Variants in B3GAT1 observed in about 807,000 individuals in gnomAD.
The protein encoded by B3GAT1 is galactosylgalactosylxylosylprotein 3-beta-glucuronosyltransferase 1.
Under a neutral mutation model 28.4 loss-of-function variants are expected in B3GAT1, and 11 were observed. The observed-to-expected ratio is 0.39, with a 90% confidence interval of 0.24 to 0.64. The LOEUF (loss-of-function observed/expected upper bound fraction) is 0.64, where lower values mean the gene tolerates loss of function less well. Ranked by LOEUF, B3GAT1 falls within the 30% of genes least tolerant of loss-of-function variation. The probability of loss-of-function intolerance (pLI) is 0.50; values close to 1 mark genes in which losing one functional copy is unlikely to be tolerated. For missense variants in B3GAT1, 375 were observed against 491.0 expected, an observed-to-expected ratio of 0.76 and a Z score of 2.23; for synonymous variants, 255 against 223.1, an observed-to-expected ratio of 1.14 and a Z score of -1.27.
At chr11:134,401,108 T>C (rs987745492) in intron 1 of B3GAT1, among the ~76,000 whole-genome samples, 5 of 152,212 alleles carry the variant, frequency 3.3e-5, no homozygotes, top group African/African-American at 4.8e-5. Flanking sequence ...CTGGCCAGGC[T>C]GTGGAGAAAA....
chr11:134,409,204 G>T (rs910971882), intron 1 of B3GAT1, among the ~76,000 whole-genome samples: 3 of 152,200 alleles, frequency 2.0e-5, no homozygotes, highest in African/African-American at 7.2e-5. Flanking sequence ...AGCCACAGAT[G>T]GAGATGAGAC....
At chr11:134,387,964 T>G in intron 1 of B3GAT1, 24 bp from the exon 2 acceptor site, 1 of 1,040,612 alleles carries the variant, frequency 9.6e-7, no homozygotes, top group Non-Finnish European at 1.4e-6. Flanking sequence ...CAGAAGCGGA[T>G]AGCCAGAGAC....
chr11:134,401,404 G>C (rs1944610423), intron 1 of B3GAT1, among the ~76,000 whole-genome samples: 9 of 152,246 alleles, frequency 5.9e-5, no homozygotes, highest in Admixed American at 5.9e-4. Flanking sequence ...TAGCCATAAA[G>C]AAGAATTAAA....
chr11:134,399,862 T>G (rs1241214751), intron 1 of B3GAT1, among the ~76,000 whole-genome samples: 2 of 152,136 alleles, frequency 1.3e-5, no homozygotes, highest in Non-Finnish European at 2.9e-5. Flanking sequence ...AGCCTGGACA[T>G]AAGCAAGCCA....
intron 1 of B3GAT1, among the ~76,000 whole-genome samples, chr11:134,394,690 C>T (rs187753938): frequency 1.3e-5 from 2 of 152,340 alleles, no homozygotes; most frequent in East Asian, 3.9e-4. Context: ...ACTGCAGGCT[C>T]ACGCTTGGGA....
rs142778413 is a variant in B3GAT1, at chr11:134,384,139, C to T, written c.162G>A (p.Arg54=). The T allele has an allele frequency of 1.1e-4, 172 of 1,572,580 alleles. No individual in the cohort carries two copies. In the African/African-American group the frequency reaches 2.1e-3, roughly 19 times the overall value. ...RRETPPGADP[R]EYCTSDRDIV... ...TGTCGCGGTCAGACGTGCAGTACTC[C>T]CTGGGGTCGGCGCCGGGCGGCGTTT... Residue 54 remains arginine (R), a synonymous_variant, in exon 3 of 6, where the codon AGG becomes AGA. Coordinates refer to ENST00000312527, the MANE Select transcript of B3GAT1 (RefSeq NM_054025.3).
rs749622890 is a variant in B3GAT1 at position 134,381,926 on chromosome 11, G to C, written c.*12C>G. ...GCCCACCCTCGTCATGCCCATACCT[G>C]CATCCTGAGGCTCAGATCTCCACCG... On this transcript the variant is annotated splice_region_variant and 3_prime_UTR_variant, in exon 5 of 6. Coordinates refer to ENST00000312527, the MANE Select transcript of B3GAT1 (RefSeq NM_054025.3). 1 of 1,613,162 alleles carries C rather than the reference G, an allele frequency of 6.2e-7. No homozygotes were observed. The highest frequency in any genetic ancestry group is 2.2e-5 in the East Asian group (1 of 44,850).
chr11:134,407,603 A>C (rs1944759150), intron 1 of B3GAT1, among the ~76,000 whole-genome samples: 1 of 152,382 alleles, frequency 6.6e-6, no homozygotes, highest in East Asian at 1.9e-4. Flanking sequence ...GTAAAGCCTT[A>C]ATCCCTGCCA....
chr11:134,405,387 G>A lies in B3GAT1; in HGVS notation c.-282+6420C>T, dbSNP rs1385600997. Reference sequence around the variant, plus strand: ...ACGGAGGGTCCACTGATGGTCACCCGCCTGGTGAGGTCCTGTGGTCAGGGT... The same window carrying A: ...ACGGAGGGTCCACTGATGGTCACCCACCTGGTGAGGTCCTGTGGTCAGGGT... On this transcript the variant is annotated intron_variant, in intron 1 of 5. Transcript: ENST00000312527. Among the ~76,000 whole-genome samples the A allele has an allele frequency of 5.9e-5, 9 of 152,222 alleles. No individual in the cohort carries two copies. In the South Asian group the frequency reaches 1.2e-3, roughly 21 times the overall value.
chr11:134,397,326 C>T (rs113836546), intron 1 of B3GAT1, among the ~76,000 whole-genome samples: 89 of 152,336 alleles, frequency 5.8e-4, no homozygotes, highest in African/African-American at 2.1e-3. Context: ...CTGACTGCAA[C>T]GTACCCAGCC....
Position 134,382,758 on chromosome 11 carries a change from T to A in B3GAT1, c.870A>T (p.Glu290Asp). 1 of 1,614,118 alleles carries A rather than the reference T, an allele frequency of 6.2e-7. No homozygotes were observed. Among genetic ancestry groups the A allele is most frequent in the Non-Finnish European group, 8.5e-7 (1 of 1,179,990 alleles). Residue 290 changes from glutamate to aspartate, a missense_variant, in exon 4 of 6, where the codon GAA (glutamate) becomes GAT (aspartate). Physicochemically the swap from Glu to Asp is conservative, Grantham distance 45. Transcript: ENST00000312527. ...GGYQESSLLR[E>D]LVTLNDLEPK... Reference sequence around the variant, plus strand: ...GCTCCAGGTCGTTGAGGGTGACAAGTTCTCGAAGGAGGCTGCTTTCCTGGT... The same window carrying A: ...GCTCCAGGTCGTTGAGGGTGACAAGATCTCGAAGGAGGCTGCTTTCCTGGT...
intron 3 of B3GAT1, 34 bp from the exon 4 acceptor site, chr11:134,383,040 C>T (rs1194211047): frequency 6.6e-7 from 1 of 1,509,292 alleles, no homozygotes; most frequent in Non-Finnish European, 8.9e-7. Context: ...AGGGCGCCGG[C>T]ACTGCAGATG....
chr11:134,384,461 T>A (rs1944225684), intron 2 of B3GAT1: 1 of 470,126 alleles, frequency 2.1e-6, no homozygotes, highest in African/African-American at 2.0e-5. Context: ...TTGCCCATAT[T>A]CCAAGATTGC....
intron 3 of B3GAT1, 38 bp from the exon 4 acceptor site, chr11:134,383,044 G>A: frequency 6.6e-7 from 1 of 1,504,908 alleles, no homozygotes; most frequent in South Asian, 1.3e-5. Flanking sequence ...CGCCGGCACT[G>A]CAGATGAGGA....
chr11:134,382,401 G>A (rs1828936872), intron 4 of B3GAT1, among the ~76,000 whole-genome samples: 1 of 121,112 alleles, frequency 8.3e-6, no homozygotes, highest in South Asian at 3.5e-4. Context: ...GCATGTGTGT[G>A]CATCTGCATG....
rs781515830 is a variant in B3GAT1, at chr11:134,387,703, CG to C, written c.-45del. On this transcript the variant is annotated 5_prime_UTR_variant, in exon 2 of 6. It removes the in-frame stop codon of an upstream open reading frame in the 5' UTR. Coordinates refer to ENST00000312527, the MANE Select transcript of B3GAT1 (RefSeq NM_054025.3). ...CCACGGCTCCTCATTACCTGAGTGG[CG>C]GTAAGTTCAGGAGAGGGGCGGCCAC... The C allele has an allele frequency of 6.2e-7, 1 of 1,611,980 alleles. No homozygotes were observed. The highest frequency in any genetic ancestry group is 1.3e-5 in the African/African-American group (1 of 75,006).
At chr11:134,401,969 G>GT in intron 1 of B3GAT1, among the ~76,000 whole-genome samples, 1 of 115,638 alleles carries the variant, frequency 8.6e-6, no homozygotes, top group Admixed American at 8.5e-5. Flanking sequence ...GTGGCCTGGG[G>GT]CGGGGGGGGG....
At chr11:134,397,677 G>T (rs559510658) in intron 1 of B3GAT1, among the ~76,000 whole-genome samples, 9 of 152,334 alleles carry the variant, frequency 5.9e-5, no homozygotes, top group African/African-American at 2.2e-4. Context: ...CAGGGAGAGG[G>T]TTCTCAAGTT....
intron 1 of B3GAT1, among the ~76,000 whole-genome samples, chr11:134,396,910 AT>A (rs1293244109): frequency 1.3e-5 from 2 of 152,064 alleles, no homozygotes; most frequent in Non-Finnish European, 2.9e-5. Context: ...GCGTCCTTTG[AT>A]TTCCCTTGGC....
Sources: gnomAD v4.1 joint callset for allele counts (sites outside exome capture counted in the v4.1 genomes callset) on GRCh38, gnomAD v4.1.1 for gene constraint, MANE v1.5 for transcripts, NCBI Gene and HGNC (gene_info 2026-07-23, HGNC 2026-07-21) for gene names.